The following NBPF9 variants were observed in gnomAD, a reference collection of about 807,000 sequenced individuals.
NBPF9 encodes the protein NBPF family member NBPF9.
In NBPF9, 91 loss-of-function variants were observed where a neutral mutation model predicts 97.8. The observed-to-expected ratio is 0.93, with a 90% CI of 0.79 to 1.11. The LOEUF (loss-of-function observed/expected upper bound fraction) is 1.11, where lower values mean the gene tolerates loss of function less well. Among genes scored for constraint, NBPF9 ranks in the 50% least tolerant of loss-of-function variants. The pLI, the probability that NBPF9 is intolerant of heterozygous loss-of-function variation, is 0.00. For missense variants in NBPF9, 992 were observed against 939.5 expected, an observed-to-expected ratio of 1.06 and a Z score of -0.73; for synonymous variants, 334 against 359.5, an observed-to-expected ratio of 0.93 and a Z score of 0.80.
At chr1:149,086,730 G>C (rs1194129974) in intron 5 of NBPF9, among the ~76,000 whole-genome samples, 1 of 151,178 alleles carries the variant, frequency 6.6e-6, no homozygotes, top group Non-Finnish European at 1.5e-5. Context: ...AGTTGGTCTG[G>C]TGATAATTTC....
At chr1:149,089,799 G>A (rs587704931) in intron 5 of NBPF9, among the ~76,000 whole-genome samples, 25 of 152,298 alleles carry the variant, frequency 1.6e-4, no homozygotes, top group Admixed American at 1.5e-3. Flanking sequence ...TTGACATAAA[G>A]TGCTACATGG....
intron 12 of NBPF9, 58 bp downstream of exon 12, chr1:149,075,597 C>T (rs1187486444): frequency 7.4e-6 from 11 of 1,489,474 alleles, no homozygotes; most frequent in Middle Eastern, 4.7e-4. Flanking sequence ...CTTAGTTCCT[C>T]AGAGAGAAGA....
At chr1:149,075,486 T>C (rs2079781137) in intron 12 of NBPF9, among the ~76,000 whole-genome samples, 169 bp downstream of exon 12, 1 of 152,102 alleles carries the variant, frequency 6.6e-6, no homozygotes, top group African/African-American at 2.4e-5. Flanking sequence ...TGCTAAATAC[T>C]TTGGTACCTC....
rs1411383238 is a variant in NBPF9, at chr1:149,071,769, G to A, written c.1307-93C>T. On this transcript the variant is annotated intron_variant, in intron 14 of 29. Coordinates refer to ENST00000584027, the Ensembl canonical transcript of NBPF9. The stretch of plus-strand genomic sequence containing the variant: ...GTGCAACAGAGACATGAACATCTAG[G>A]CATGGGTCACCGTTCAACTGAAAAC... 6 of 730,232 alleles carry A rather than the reference G, an allele frequency of 8.2e-6. 1 individual carries two copies. In the Admixed American group the frequency reaches 1.0e-4, roughly 12 times the overall value. The allele number at this position is 730,232 out of a possible 1,614,324, so 45.2% of individuals were successfully genotyped here. A position where few individuals can be genotyped will look rare whatever the true frequency, so the allele number is the denominator to read the frequency against.
At chr1:149,070,685 G>C (rs2079333901) in intron 16 of NBPF9, among the ~76,000 whole-genome samples, 1 of 151,990 alleles carries the variant, frequency 6.6e-6, no homozygotes, top group Non-Finnish European at 1.5e-5. Context: ...GACAGATACT[G>C]CCTGTGCACC....
rs1553650033 is a variant in NBPF9, at chr1:149,061,906, C to T, written c.2251+187G>A. 1.5e-5 allele frequency: 7 copies of T among 453,586 alleles called. 1 individual carries two copies. In the East Asian group the frequency reaches 2.8e-4, roughly 18 times the overall value. The allele number at this position is 453,586 out of a possible 1,614,324, so 28.1% of individuals were successfully genotyped here. A position where few individuals can be genotyped will look rare whatever the true frequency, so the allele number is the denominator to read the frequency against. ...GCTGGAGACTAGGAATGGAGCCTTG[C>T]TCACTGACCCATTTCATGTCTAGGC... On this transcript the variant is annotated intron_variant, in intron 22 of 29. Coordinates refer to ENST00000584027, the Ensembl canonical transcript of NBPF9.
At chr1:149,058,275 TC>T in intron 26 of NBPF9, 60 bp from the exon 27 acceptor site, 1 of 328,386 alleles carries the variant, frequency 3.0e-6, no homozygotes, top group Middle Eastern at 9.9e-4. Context: ...CCCATAACAG[TC>T]CACTGTCTAA....
At chr1:149,081,591 G>T (rs1304267867) in intron 7 of NBPF9, among the ~76,000 whole-genome samples, 2 of 151,912 alleles carry the variant, frequency 1.3e-5, no homozygotes, top group Non-Finnish European at 1.5e-5. Context: ...CTGAATAAAA[G>T]TTCACTAGTC....
chr1:149,103,406 C>G (rs1343035691), exon 1 of NBPF9: 5 of 152,338 alleles, frequency 3.3e-5, no homozygotes, highest in African/African-American at 1.2e-4. Context: ...TCGCCCGTCC[C>G]GCGTTCCCAA....
Position 149,055,895 on chromosome 1 carries a change from T to A in NBPF9, c.3097A>T (p.Asn1033Tyr), listed in dbSNP as rs199609970. The A allele has an allele frequency of 1.4e-4, 230 of 1,611,396 alleles. 4 individuals are homozygous for A. The highest frequency in any genetic ancestry group is 1.1e-3 in the South Asian group (102 of 90,900). ...TCTTCCACTTCCATCAGCACGCCGT[T>A]GAGCCTGGAAAAGGAGACAAAACTA... Residue 1033 changes from asparagine (N) to tyrosine (Y), a missense_variant, in exon 30 of 30, where the codon AAC becomes TAC. Physicochemically the swap from Asn to Tyr is moderately radical, Grantham distance 143. Around this residue, in one of 11 missense-constraint regions of NBPF9, gnomAD observed 397 missense variants for 213.6 expected, o/e 1.86. Coordinates refer to ENST00000584027, the Ensembl canonical transcript of NBPF9.
In NBPF9 at chr1:149,070,939, A is replaced by G. The variant is rs587755025; in HGVS notation, c.1580T>C (p.Ile527Thr). ...ACAAGGAAAACAGAGGCTACCTGGA[A>G]TAATGTGTACAGCATCTTCCCGTTC... The change falls in exon 16 of 30, where the codon ATT (isoleucine) becomes ACT (threonine). Residue 527 changes from isoleucine to threonine, a missense_variant. Physicochemically the swap from Ile to Thr is moderately conservative, Grantham distance 89. Coordinates refer to ENST00000584027, the Ensembl canonical transcript of NBPF9. 75 of 1,612,550 alleles carry G rather than the reference A, an allele frequency of 4.7e-5. No individual in the cohort carries two copies. In the Middle Eastern group the frequency reaches 6.2e-4, roughly 13 times the overall value.
At chr1:149,060,421 C>A in intron 24 of NBPF9, 102 bp downstream of exon 24, 1 of 367,302 alleles carries the variant, frequency 2.7e-6, no homozygotes, top group Non-Finnish European at 4.9e-6. Context: ...CTCCCTGTGG[C>A]AATGACATCT....
chr1:149,087,315 G>A (rs2081089081), intron 5 of NBPF9, among the ~76,000 whole-genome samples: 1 of 148,098 alleles, frequency 6.8e-6, no homozygotes, highest in Non-Finnish European at 1.5e-5. Flanking sequence ...CTTCAAAACG[G>A]TGAATATATA....
intron 16 of NBPF9, 138 bp downstream of exon 16, chr1:149,070,796 C>T (rs1575836161): frequency 2.0e-6 from 3 of 1,489,684 alleles, no homozygotes; most frequent in Non-Finnish European, 1.9e-6. Flanking sequence ...CTGAGAAGGA[C>T]AAAAAACTCC....
At position 149,071,034 on chromosome 1, in the gene NBPF9, A is replaced by G. The variant is rs781953659; in HGVS notation, c.1485T>C (p.His495=). ...CCTCAAATGTGATTTTGGTTTTCCT[A>G]TGTGGCTGGTTGGAGTCATAAGGGC... The change falls in exon 16 of 30, where the codon CAT becomes CAC. Residue 495 remains histidine, a synonymous_variant. Coordinates refer to ENST00000584027, the Ensembl canonical transcript of NBPF9. The G allele has an allele frequency of 4.3e-6, 7 of 1,611,612 alleles. No individual in the cohort carries two copies. In the South Asian group the frequency reaches 5.5e-5, roughly 13 times the overall value.
chr1:149,073,749 C>A lies in NBPF9; in HGVS notation c.1091+19G>T. 5 of 1,579,356 alleles carry A rather than the reference C, an allele frequency of 3.2e-6. No individual in the cohort carries two copies. In the East Asian group the frequency reaches 6.9e-5, roughly 22 times the overall value. ...TTTACACACCTGCCCCCCTGCCTGC[C>A]CCCATGGGGTCCCCTCACCTGAGCT... is the stretch of plus-strand genomic sequence containing the variant. On this transcript the variant is annotated intron_variant, in intron 13 of 29. Coordinates refer to ENST00000584027, the Ensembl canonical transcript of NBPF9.
At chr1:149,100,573 T>A (rs1172827832) in intron 3 of NBPF9, among the ~76,000 whole-genome samples, 2 of 151,782 alleles carry the variant, frequency 1.3e-5, no homozygotes, top group Non-Finnish European at 2.9e-5. Context: ...TGCCAAACAG[T>A]GCAGAAGGAA....
chr1:149,064,336 A>G (rs1357169332), intron 19 of NBPF9, 95 bp downstream of exon 19: 17 of 781,800 alleles, frequency 2.2e-5, no homozygotes, highest in Admixed American at 4.1e-5. Context: ...GTCTGACAAG[A>G]CAAAATCATT....
chr1:149,095,273 AAAAT>A (rs1299824056), intron 4 of NBPF9, among the ~76,000 whole-genome samples: 1 of 151,108 alleles, frequency 6.6e-6, no homozygotes, highest in Non-Finnish European at 1.5e-5. Flanking sequence ...CACATGCAAA[AAAAT>A]AAATAAATCC....
Sources: gnomAD v4.1 joint callset for allele counts (sites outside exome capture counted in the v4.1 genomes callset) on GRCh38, gnomAD v4.1.1 for gene constraint, gnomAD v4.1.1 regional missense constraint, MANE v1.5 for transcripts, NCBI Gene and HGNC (gene_info 2026-07-23, HGNC 2026-07-21) for gene names.